The following VAMP7 variants were observed in gnomAD, a reference collection of about 807,000 sequenced individuals.
VAMP7 encodes vesicle-associated membrane protein 7.
Under a neutral mutation model 29.6 loss-of-function variants are expected in VAMP7, and 14 were observed. That is an observed-to-expected ratio of 0.47 (90% confidence interval 0.31 to 0.74). The LOEUF is 0.74. Among genes scored for constraint, VAMP7 ranks in the 30% least tolerant of loss-of-function variants. The pLI, the probability that VAMP7 is intolerant of heterozygous loss-of-function variation, is 0.05. For synonymous variants in VAMP7, 95 were observed against 88.1 expected (o/e 1.08, Z -0.44); for missense variants, 223 against 262.4 (o/e 0.85, Z 1.04).
chrX:155,891,443 G>A (rs890852595), intron 2 of VAMP7, among the ~76,000 whole-genome samples: 2 of 152,164 alleles, frequency 1.3e-5, no homozygotes, highest in Non-Finnish European at 2.9e-5. Flanking sequence ...AGGCCCTGGT[G>A]TGGCTCCTGT....
intron 6 of VAMP7, among the ~76,000 whole-genome samples, chrX:155,925,482 C>T (rs899391791): frequency 5.3e-5 from 8 of 152,260 alleles, no homozygotes; most frequent in South Asian, 4.2e-4. Flanking sequence ...AAGTTGAGAG[C>T]GCACACCCGT....
chrX:155,894,742 A>C (rs2065966016), intron 2 of VAMP7, among the ~76,000 whole-genome samples: 1 of 151,850 alleles, frequency 6.6e-6, no homozygotes, highest in Non-Finnish European at 1.5e-5. Context: ...CAGCCTCCCA[A>C]GTAGCTGGGA....
intron 6 of VAMP7, among the ~76,000 whole-genome samples, chrX:155,930,313 T>C (rs751170789): frequency 1.3e-5 from 2 of 152,224 alleles, no homozygotes; most frequent in African/African-American, 2.4e-5. Context: ...CTAAATCACA[T>C]TGTTACTATC....
rs749923707 is a variant in VAMP7 at position 155,898,128 on chromosome X, G to C, written c.221G>C (p.Arg74Pro). 1 of 1,612,002 alleles carries C rather than the reference G, an allele frequency of 6.2e-7. No homozygotes were observed. The highest frequency in any genetic ancestry group is 8.5e-7 in the Non-Finnish European group (1 of 1,179,046). ...TCTTTTCAGGATTTTGAACGTTCCC[G>C]AGCCTTTAATTTTCTGAATGAGATA... is the stretch of plus-strand genomic sequence containing the variant. ...CITDDDFERS[R>P]AFNFLNEIKK... The change falls in exon 4 of 8, where the codon CGA (arginine) becomes CCA (proline). Residue 74 changes from arginine to proline, a missense_variant. By Grantham distance (103) the Arg-to-Pro change is moderately radical. Transcript: ENST00000286448.
chrX:155,892,682 A>G (rs2065939160), intron 2 of VAMP7, among the ~76,000 whole-genome samples: 1 of 151,290 alleles, frequency 6.6e-6, no homozygotes, highest in Non-Finnish European at 1.5e-5. Context: ...GCAATCAGAC[A>G]CTCTTTTTAT....
chrX:155,912,370 T>G (rs2066249712), intron 5 of VAMP7, among the ~76,000 whole-genome samples: 1 of 152,196 alleles, frequency 6.6e-6, no homozygotes, highest in South Asian at 2.1e-4. Flanking sequence ...GCTCTTTTTT[T>G]ATTATTATAC....
intron 4 of VAMP7, among the ~76,000 whole-genome samples, chrX:155,899,984 G>A: frequency 6.6e-6 from 1 of 152,086 alleles, no homozygotes; most frequent in East Asian, 1.9e-4. Context: ...TATTATCAGT[G>A]TCTTAGATTC....
rs2066044930 is a variant in VAMP7, at chrX:155,900,390, A to T, written c.343-107A>T. 3.2e-5 allele frequency: 27 copies of T among 830,898 alleles called. 1 individual carries two copies. The South Asian group carries it at 5.2e-4, about 16-fold the overall frequency. The allele number at this position is 830,898 out of a possible 1,614,324, so 51.5% of individuals were successfully genotyped here. ...ACATGTATCTTTTATATCAATAGAG[A>T]CATAATTTTATAGCATTCCTCAGTG... On this transcript the variant is annotated intron_variant, in intron 4 of 7. Transcript: ENST00000286448.
intron 5 of VAMP7, among the ~76,000 whole-genome samples, chrX:155,906,743 A>C (rs1386345772): frequency 6.6e-6 from 1 of 152,160 alleles, no homozygotes; most frequent in Non-Finnish European, 1.5e-5. Flanking sequence ...ATATAGAATC[A>C]TGCTACTTGC....
intron 5 of VAMP7, among the ~76,000 whole-genome samples, chrX:155,913,300 A>C (rs2066264590): frequency 6.6e-6 from 1 of 151,906 alleles, no homozygotes; most frequent in African/African-American, 2.4e-5. Flanking sequence ...AGATTGCAAA[A>C]ATTTTTTCCC....
At chrX:155,898,921 T>G (rs1211671909) in intron 4 of VAMP7, among the ~76,000 whole-genome samples, 2 of 152,156 alleles carry the variant, frequency 1.3e-5, no homozygotes, top group South Asian at 2.1e-4. Flanking sequence ...TGTGTCTTGC[T>G]TGTTTCAGTC....
rs766650929 is a variant in VAMP7 at position 155,939,414 on chromosome X, C to A, written c.502-287C>A. On this transcript the variant is annotated intron_variant, in intron 6 of 7. Transcript: ENST00000286448. ...TATTGGAAGTATAGAGAGGAAAATT[C>A]TTTTCCACTAGCGGGAAGAACCACT... is the stretch of plus-strand genomic sequence containing the variant. Among the ~76,000 whole-genome samples, 10 of 152,264 alleles carry A rather than the reference C, an allele frequency of 6.6e-5. No individual in the cohort carries two copies. The South Asian group carries it at 1.9e-3, about 28-fold the overall frequency.
chrX:155,907,939 G>A (rs1259844056), intron 5 of VAMP7, among the ~76,000 whole-genome samples: 2 of 151,934 alleles, frequency 1.3e-5, no homozygotes, highest in East Asian at 1.9e-4. Flanking sequence ...GGGCAGAGGC[G>A]CTCCCCACAT....
At chrX:155,890,350 TTTTA>T (rs753165878) in intron 2 of VAMP7, among the ~76,000 whole-genome samples, 3 of 151,194 alleles carry the variant, frequency 2.0e-5, no homozygotes, top group African/African-American at 7.4e-5. Context: ...GTCAGGTTTG[TTTTA>T]TTTATTTATT....
At chrX:155,904,273 G>A (rs922479584) in intron 5 of VAMP7, among the ~76,000 whole-genome samples, 5 of 151,392 alleles carry the variant, frequency 3.3e-5, no homozygotes, top group South Asian at 2.1e-4. Context: ...GTTAATGGGT[G>A]CAGCACACCA....
intron 5 of VAMP7, among the ~76,000 whole-genome samples, chrX:155,915,515 C>T (rs1176915516): frequency 6.6e-6 from 1 of 152,278 alleles, no homozygotes; most frequent in East Asian, 1.9e-4. Flanking sequence ...CTATAAATTT[C>T]CCTCTAAATA....
intron 6 of VAMP7, among the ~76,000 whole-genome samples, chrX:155,935,276 C>A (rs2066632211): frequency 2.0e-5 from 3 of 152,180 alleles, no homozygotes; most frequent in South Asian, 2.1e-4. Flanking sequence ...GTTCTCCTGG[C>A]TAATATCCTG....
In VAMP7 at chrX:155,900,563, A is replaced by C. The variant is rs148820711; in HGVS notation, c.409A>C (p.Lys137Gln). 5.8e-5 allele frequency: 94 copies of C among 1,609,764 alleles called. No homozygotes were observed. The African/African-American group carries it at 1.2e-3, about 20-fold the overall frequency. ...METQAQVDEL[K>Q]GIMVRNIDLV... ...GACTCAAGCCCAAGTGGATGAACTG[A>C]AAGGAATCATGGTCAGAAACATAGG... Residue 137 changes from lysine to glutamine, a missense_variant, in exon 5 of 8, where the codon AAA becomes CAA. Lys to Gln is a moderately conservative substitution (Grantham distance 53). Coordinates refer to ENST00000286448, the MANE Select transcript of VAMP7 (RefSeq NM_005638.6).
In VAMP7 at chrX:155,943,194, A is replaced by G. The variant is rs1188509922; in HGVS notation, c.*1243A>G. 6.7e-6 allele frequency: 1 copy of G among 150,250 alleles called. No homozygotes were observed. The highest frequency in any genetic ancestry group is 1.5e-5 in the Non-Finnish European group (1 of 67,652). The allele number at this position is 150,250 out of a possible 1,614,324, so 9.3% of individuals were successfully genotyped here. On this transcript the variant is annotated 3_prime_UTR_variant, in exon 8 of 8. Transcript: ENST00000286448. ...CATTTTCTACCCTAGATCCAATTGC[A>G]TTTATTTATCAATAAGTGCCATTAA...
Sources: allele counts gnomAD v4.1 joint callset (sites outside exome capture counted in the v4.1 genomes callset), GRCh38; gene constraint gnomAD v4.1.1; transcripts MANE v1.5; gene names NCBI Gene and HGNC (gene_info 2026-07-23, HGNC 2026-07-21).